ARHGAP23: variants seen among roughly 807,000 people sequenced by gnomAD.
The protein encoded by ARHGAP23 is rho GTPase-activating protein 23.
In ARHGAP23, 34 loss-of-function variants were observed where a neutral mutation model predicts 136.3. That is an observed-to-expected ratio of 0.25 (90% confidence interval 0.19 to 0.33). ARHGAP23 has a LOEUF of 0.33. Among genes scored for constraint, ARHGAP23 ranks in the 10% least tolerant of loss-of-function variants. ARHGAP23 has a pLI of 1.00. For missense variants in ARHGAP23, 1,808 were observed against 2,139.0 expected (o/e 0.85, Z 3.05); for synonymous variants, 832 against 920.5 (o/e 0.90, Z 1.74).
At chr17:38,427,117 C>T (rs2038581655), upstream of ARHGAP23, among the ~76,000 whole-genome samples, 1 of 152,162 alleles carries the variant, frequency 6.6e-6, no homozygotes, top group South Asian at 2.1e-4. Flanking sequence ...AAGTAAGAAG[C>T]AGGAAGAATG....
intron 19 of ARHGAP23, 138 bp from the exon 20 acceptor site, chr17:38,491,269 C>T (rs2040272729): frequency 2.6e-6 from 3 of 1,167,072 alleles, no homozygotes; most frequent in Non-Finnish European, 2.4e-6. Flanking sequence ...CAAGCATCTC[C>T]ATGCCCATAC....
chr17:38,423,381 T>C (rs1157978763), intron 1 of ARHGAP23, among the ~76,000 whole-genome samples: 1 of 151,628 alleles, frequency 6.6e-6, no homozygotes, highest in Non-Finnish European at 1.5e-5. Flanking sequence ...GCTTTTTGTT[T>C]TTTTTTTTGA....
intron 1 of ARHGAP23, among the ~76,000 whole-genome samples, chr17:38,434,258 G>A (rs1358205576): frequency 6.6e-6 from 1 of 152,232 alleles, no homozygotes; most frequent in Non-Finnish European, 1.5e-5. Context: ...CCGGTGGCAA[G>A]GAGCCCGGGC....
intron 18 of ARHGAP23, 78 bp from the exon 19 acceptor site, chr17:38,490,384 C>A (rs972044578): frequency 1.6e-6 from 2 of 1,264,172 alleles, no homozygotes; most frequent in African/African-American, 3.0e-5. Context: ...AGTGGGAGAT[C>A]TTTGGGGCAT....
At chr17:38,436,211 A>G (rs1267510787) in intron 1 of ARHGAP23, among the ~76,000 whole-genome samples, 1 of 151,992 alleles carries the variant, frequency 6.6e-6, no homozygotes, top group African/African-American at 2.4e-5. Context: ...AATGGGGACC[A>G]CACAACCAGG....
chr17:38,474,562 G>A (rs966009895), intron 11 of ARHGAP23, among the ~76,000 whole-genome samples: 3 of 152,134 alleles, frequency 2.0e-5, no homozygotes, highest in Non-Finnish European at 4.4e-5. Flanking sequence ...TGGCTCCACT[G>A]GGGCTATGTG....
intron 1 of ARHGAP23, among the ~76,000 whole-genome samples, chr17:38,420,726 C>T (rs2038512299): frequency 6.6e-6 from 1 of 152,104 alleles, no homozygotes; most frequent in Non-Finnish European, 1.5e-5. Context: ...GGTCCAGTTT[C>T]CAGGCCTGTT....
Position 38,467,231 on chromosome 17 carries a change from G to A in ARHGAP23, c.1548G>A (p.Glu516=). 1 of 1,550,852 alleles carries A rather than the reference G, an allele frequency of 6.4e-7. No homozygotes were observed. The highest frequency in any genetic ancestry group is 8.7e-7 in the Non-Finnish European group (1 of 1,146,556). ...AGATGAACCTTGGATTTGGTGACGA[G>A]TCCCCAGAGCCAGAGGCCAGTGGGC... ...ARQMNLGFGD[E]SPEPEASGRG... The change falls in exon 7 of 24, where the codon GAG becomes GAA. Residue 516 remains glutamate, a synonymous_variant. Transcript: ENST00000622683.
chr17:38,509,761 G>A (rs144926148), intron 23 of ARHGAP23, among the ~76,000 whole-genome samples, 183 bp from the exon 24 acceptor site: 1 of 152,186 alleles, frequency 6.6e-6, no homozygotes, highest in Non-Finnish European at 1.5e-5. Flanking sequence ...AGCGGGGGTA[G>A]TCTCTGGACG....
At chr17:38,421,316 C>T (rs1474753338) in intron 1 of ARHGAP23, among the ~76,000 whole-genome samples, 1 of 152,328 alleles carries the variant, frequency 6.6e-6, no homozygotes, top group East Asian at 1.9e-4. Flanking sequence ...ACACCTCTGC[C>T]AAGCACAGCA....
chr17:38,446,987 AT>A, intron 1 of ARHGAP23, among the ~76,000 whole-genome samples: 1 of 151,888 alleles, frequency 6.6e-6, no homozygotes, highest in Non-Finnish European at 1.5e-5. Context: ...CCAATTTTGC[AT>A]TTTTTATAAA....
chr17:38,466,221 C>G lies in ARHGAP23; in HGVS notation c.538C>G (p.Arg180Gly), dbSNP rs751834913. The change falls in exon 7 of 24, where the codon CGC (arginine) becomes GGC (glycine). Residue 180 changes from arginine (R) to glycine (G), a missense_variant. By Grantham distance (125) the Arg-to-Gly change is moderately radical (BLOSUM62 -2). Around this residue, in one of 7 missense-constraint regions of ARHGAP23, gnomAD observed 859 missense variants for 936.4 expected, o/e 0.92. Transcript: ENST00000622683. ...GAACGAGCCGTATTCTGGAGAGGCC[C>G]GCAGCATCCCAGAGCCACCCCCGAT... is the stretch of plus-strand genomic sequence containing the variant. The part of the protein sequence containing the change: ...KGNEPYSGEA[R>G]SIPEPPPICY... The G allele has an allele frequency of 1.3e-6, 2 of 1,542,800 alleles. No individual in the cohort carries two copies. The highest frequency in any genetic ancestry group is 2.0e-5 in the Admixed American group (1 of 50,532).
upstream of ARHGAP23, chr17:38,428,375 CGGG>C (rs769359302): frequency 1.7e-3 from 554 of 322,970 alleles, 3 homozygotes; most frequent in African/African-American, 0.011. Context: ...GGGCGGACCC[CGGG>C]GGGGGCCCCC....
intron 1 of ARHGAP23, among the ~76,000 whole-genome samples, chr17:38,447,412 A>G: frequency 7.6e-6 from 1 of 131,936 alleles, no homozygotes; most frequent in South Asian, 2.6e-4. Context: ...ACTTCACTCC[A>G]GCCTGGGCAA....
chr17:38,442,206 G>T (rs2144530829), intron 1 of ARHGAP23, among the ~76,000 whole-genome samples: 1 of 152,260 alleles, frequency 6.6e-6, no homozygotes, highest in Admixed American at 6.5e-5. Flanking sequence ...GGATCCTCCT[G>T]CCTCTGTCTC....
intron 2 of ARHGAP23, 127 bp downstream of exon 2, chr17:38,458,390 G>C (rs1478867347): frequency 3.1e-6 from 4 of 1,288,358 alleles, no homozygotes; most frequent in African/African-American, 1.5e-5. Flanking sequence ...GGTCCGGCCT[G>C]ACTCCCTTCT....
At position 38,510,225 on chromosome 17, in the gene ARHGAP23, G is replaced by A. The variant is rs893406216; in HGVS notation, c.3729G>A (p.Thr1243=). The change falls in exon 24 of 24, where the codon ACG becomes ACA. Residue 1243 remains threonine (T), a synonymous_variant. Transcript: ENST00000622683. The surrounding 1 kb of genome is among the most constrained non-coding windows in gnomAD (Gnocchi z 4.6). ...CGGAGGAGCGGCCGGCCGCGGACAC[G>A]CGCTCCATTGTGTCGGGCTACTCCA... ...AAPEERPAAD[T]RSIVSGYSTL... The A allele has an allele frequency of 7.3e-7, 1 of 1,378,046 alleles. No individual in the cohort carries two copies. Among genetic ancestry groups the A allele is most frequent in the African/African-American group, 1.5e-5 (1 of 66,842 alleles). The allele number at this position is 1,378,046 out of a possible 1,614,324, so 85.4% of individuals were successfully genotyped here.
At position 38,466,517 on chromosome 17, in the gene ARHGAP23, C is replaced by A; in HGVS notation, c.834C>A (p.Pro278=). ...RAFPEPGSRV[P]PSRLECQQAL... ...TCCCAGAGCCTGGCAGCCGGGTGCC[C>A]CCCAGCAGACTGGAGTGCCAGCAGG... Residue 278 remains proline, a synonymous_variant, in exon 7 of 24, where the codon CCC becomes CCA. Transcript: ENST00000622683. 1.4e-6 allele frequency: 2 copies of A among 1,480,992 alleles called. No individual in the cohort carries two copies. The highest frequency in any genetic ancestry group is 2.7e-5 in the South Asian group (2 of 74,884). 91.7% of individuals were successfully genotyped at this position (1,480,992 alleles called of 1,614,324 possible). A position where few individuals can be genotyped will look rare whatever the true frequency, so the allele number is the denominator to read the frequency against.
chr17:38,501,656 C>T, intron 23 of ARHGAP23, among the ~76,000 whole-genome samples: 1 of 152,018 alleles, frequency 6.6e-6, no homozygotes, highest in Non-Finnish European at 1.5e-5. Context: ...AATTCAATAA[C>T]TTAGGTGAAA....
Sources: gnomAD v4.1 joint callset for allele counts (sites outside exome capture counted in the v4.1 genomes callset) on GRCh38, gnomAD v4.1.1 for gene constraint, gnomAD v4.1.1 regional missense constraint, Gnocchi (gnomAD v3.1) non-coding constraint, MANE v1.5 for transcripts, NCBI Gene and HGNC (gene_info 2026-07-23, HGNC 2026-07-21) for gene names.